MAST4: variants seen among roughly 807,000 people sequenced by gnomAD.
MAST4 encodes microtubule associated serine/threonine kinase family member 4, also known as microtubule-associated serine/threonine-protein kinase 4.
In MAST4, 89 loss-of-function variants were observed where a neutral mutation model predicts 162.7. That is an observed-to-expected ratio of 0.55 (90% CI 0.46 to 0.65). MAST4 has a LOEUF of 0.65. Among genes scored for constraint, MAST4 ranks in the 30% least tolerant of loss-of-function variants. The pLI is 0.00. For missense variants in MAST4, 3,153 were observed against 3,374.0 expected (o/e 0.93, Z 1.62); for synonymous variants, 1,479 against 1,361.1 (o/e 1.09, Z -1.91).
At chr5:67,121,889 G>T (rs1767641563) in intron 14 of MAST4, among the ~76,000 whole-genome samples, 1 of 151,330 alleles carries the variant, frequency 6.6e-6, no homozygotes, top group African/African-American at 2.4e-5. Context: ...TTTGAGACTA[G>T]GTCTTGCCCT....
At chr5:66,816,934 G>T (rs551464305) in intron 3 of MAST4, among the ~76,000 whole-genome samples, 1 of 152,292 alleles carries the variant, frequency 6.6e-6, no homozygotes, top group South Asian at 2.1e-4. Flanking sequence ...TGATTCTAAT[G>T]TGCAGATAAA....
intron 1 of MAST4, among the ~76,000 whole-genome samples, chr5:66,601,760 G>A (rs549316561): frequency 1.3e-5 from 2 of 152,168 alleles, no homozygotes; most frequent in African/African-American, 4.8e-5. Flanking sequence ...AGAGCTGTCT[G>A]GACTTTATTC....
chr5:67,044,000 C>G (rs1757076353), intron 4 of MAST4, among the ~76,000 whole-genome samples: 2 of 152,172 alleles, frequency 1.3e-5, no homozygotes, highest in Admixed American at 1.3e-4. Flanking sequence ...GATAACCCAG[C>G]TCTAGGTAGG....
intron 3 of MAST4, among the ~76,000 whole-genome samples, chr5:66,820,551 G>T (rs1320899001): frequency 6.6e-6 from 1 of 152,032 alleles, no homozygotes; most frequent in Non-Finnish European, 1.5e-5. Context: ...ATATATATTG[G>T]AGCTATTTCC....
intron 1 of MAST4, among the ~76,000 whole-genome samples, chr5:66,687,129 A>G (rs1441661833): frequency 6.6e-6 from 1 of 152,050 alleles, no homozygotes; most frequent in African/African-American, 2.4e-5. Context: ...GGTTTGCTAC[A>G]TGGATATATT....
intron 2 of MAST4, among the ~76,000 whole-genome samples, chr5:66,777,263 G>A (rs578094093): frequency 9.2e-5 from 14 of 152,294 alleles, no homozygotes; most frequent in African/African-American, 2.4e-4. Flanking sequence ...GATCTAATCC[G>A]AAGATGACAC....
At chr5:66,923,324 A>G (rs1467168088) in intron 4 of MAST4, among the ~76,000 whole-genome samples, 1 of 152,230 alleles carries the variant, frequency 6.6e-6, no homozygotes, top group Non-Finnish European at 1.5e-5. Context: ...AGTCTGGCAG[A>G]AAGCATTGTC....
chr5:66,762,038 A>T (rs889909053), intron 2 of MAST4, among the ~76,000 whole-genome samples: 2 of 152,242 alleles, frequency 1.3e-5, no homozygotes, highest in African/African-American at 4.8e-5. Flanking sequence ...ATAAAGCTTT[A>T]AAATAATGCA....
intron 1 of MAST4, among the ~76,000 whole-genome samples, chr5:66,727,993 T>C (rs568354422): frequency 3.9e-5 from 6 of 152,262 alleles, no homozygotes; most frequent in African/African-American, 1.4e-4. Context: ...TTGTTGGTTT[T>C]CTCTGATCAA....
At chr5:67,050,576 G>T (rs886962040) in intron 4 of MAST4, among the ~76,000 whole-genome samples, 1 of 152,134 alleles carries the variant, frequency 6.6e-6, no homozygotes, top group Non-Finnish European at 1.5e-5. Flanking sequence ...TCTCATAGTT[G>T]CCCCTAGGAG....
intron 5 of MAST4, among the ~76,000 whole-genome samples, chr5:67,066,973 C>A (rs564414892): frequency 2.0e-5 from 3 of 152,294 alleles, no homozygotes; most frequent in Middle Eastern, 3.4e-3. Context: ...CTAGCTGAAA[C>A]AATAGCCAGT....
chr5:67,048,829 G>T (rs1474234972), intron 4 of MAST4, among the ~76,000 whole-genome samples: 1 of 151,058 alleles, frequency 6.6e-6, no homozygotes, highest in South Asian at 2.1e-4. Context: ...CCCAGGGATC[G>T]TCTGCTATAC....
chr5:66,929,329 T>G (rs1364018221), intron 4 of MAST4, among the ~76,000 whole-genome samples: 1 of 152,070 alleles, frequency 6.6e-6, no homozygotes, highest in East Asian at 1.9e-4. Context: ...AAATCACCTT[T>G]CCTCAGTCTT....
At chr5:66,641,625 C>G (rs1253266706) in intron 1 of MAST4, among the ~76,000 whole-genome samples, 1 of 152,096 alleles carries the variant, frequency 6.6e-6, no homozygotes, top group African/African-American at 2.4e-5. Flanking sequence ...GATTCCAGCT[C>G]TGGAGTGGAA....
intron 2 of MAST4, among the ~76,000 whole-genome samples, chr5:66,781,127 C>A (rs2149660496): frequency 6.6e-6 from 1 of 152,314 alleles, no homozygotes; most frequent in South Asian, 2.1e-4. Context: ...CTCCTTTTGG[C>A]TATTGTGACT....
chr5:66,895,121 C>G (rs767300504), intron 3 of MAST4, among the ~76,000 whole-genome samples: 25 of 152,124 alleles, frequency 1.6e-4, no homozygotes, highest in Non-Finnish European at 3.2e-4. Flanking sequence ...GTCGTCTGCC[C>G]AACCATCCTA....
chr5:67,043,425 G>T (rs1312538021), intron 4 of MAST4, among the ~76,000 whole-genome samples: 3 of 152,142 alleles, frequency 2.0e-5, no homozygotes, highest in African/African-American at 7.2e-5. Context: ...AGGTACAGGA[G>T]AAAAAAGTTA....
chr5:67,025,614 T>G (rs1315730167), intron 4 of MAST4, among the ~76,000 whole-genome samples: 13 of 152,098 alleles, frequency 8.5e-5, no homozygotes, highest in Admixed American at 8.5e-4. Context: ...TTATGAAACT[T>G]GATTATCAGG....
At chr5:67,095,094 G>A (rs1764296082) in intron 6 of MAST4, among the ~76,000 whole-genome samples, 1 of 152,176 alleles carries the variant, frequency 6.6e-6, no homozygotes, top group African/African-American at 2.4e-5. Flanking sequence ...CCAGCCATGA[G>A]CCTAATGATC....
Sources: allele counts gnomAD v4.1 joint callset (sites outside exome capture counted in the v4.1 genomes callset), GRCh38; gene constraint gnomAD v4.1.1; transcripts MANE v1.5; gene names NCBI Gene and HGNC (gene_info 2026-07-23, HGNC 2026-07-21).